GRIK2: variants seen among roughly 807,000 people sequenced by gnomAD.
GRIK2 encodes the protein glutamate ionotropic receptor kainate type subunit 2, also known as glutamate receptor ionotropic, kainate 2.
In GRIK2, 32 loss-of-function variants were observed where a neutral mutation model predicts 100.3. The observed-to-expected ratio is 0.32, with a 90% CI of 0.24 to 0.43. The LOEUF (loss-of-function observed/expected upper bound fraction) is 0.43, where lower values mean the gene tolerates loss of function less well. GRIK2 is among the 20% of genes least tolerant of loss of function. The pLI, the probability that GRIK2 is intolerant of heterozygous loss-of-function variation, is 1.00. For missense variants in GRIK2, 843 were observed against 1,114.9 expected (o/e 0.76, Z 3.47); for synonymous variants, 417 against 389.4 (o/e 1.07, Z -0.83).
At chr6:101,706,765 TG>T (rs1773327758) in intron 7 of GRIK2, among the ~76,000 whole-genome samples, 1 of 151,890 alleles carries the variant, frequency 6.6e-6, no homozygotes, top group Non-Finnish European at 1.5e-5. Context: ...TGTACAGGAA[TG>T]GTCTTGTTCT....
intron 12 of GRIK2, among the ~76,000 whole-genome samples, chr6:101,907,648 T>G (rs1392514054): frequency 6.6e-6 from 1 of 151,674 alleles, no homozygotes; most frequent in African/African-American, 2.4e-5. Context: ...TAGCTAACAT[T>G]GGGTTTTGCG....
At chr6:101,445,964 A>G (rs983714566) in intron 2 of GRIK2, among the ~76,000 whole-genome samples, 2 of 152,062 alleles carry the variant, frequency 1.3e-5, no homozygotes, top group Non-Finnish European at 2.9e-5. Flanking sequence ...TAATCATTCC[A>G]TAGGCACATC....
intron 2 of GRIK2, among the ~76,000 whole-genome samples, chr6:101,435,330 C>CAGAGATTGG (rs1417103206): frequency 3.3e-5 from 5 of 151,912 alleles, no homozygotes; most frequent in Non-Finnish European, 1.5e-5. Flanking sequence ...CCTGCTTAAA[C>CAGAGATTGG]CATGCCAAGA....
At chr6:101,755,231 A>G (rs1777060304) in intron 7 of GRIK2, among the ~76,000 whole-genome samples, 1 of 131,462 alleles carries the variant, frequency 7.6e-6, no homozygotes, top group African/African-American at 3.0e-5. Flanking sequence ...CAGTGGCACG[A>G]TCTCGACTCA....
rs1183096564 is a variant in GRIK2, at chr6:101,859,492, A to T, written c.1523A>T (p.His508Leu). ...WNGMVRELID[H>L]KADLAVAPLA... The stretch of plus-strand genomic sequence containing the variant: ...GGAATGGTTCGTGAACTAATTGATC[A>T]TGTAAGTCCCTTCCCTCATGATTTA... Residue 508 changes from histidine to leucine, a missense_variant and splice_region_variant, in exon 11 of 17, where the codon CAT becomes CTT. Around this residue, in one of 3 missense-constraint regions of GRIK2, gnomAD observed 519 missense variants for 643.8 expected, o/e 0.81. Coordinates refer to ENST00000369134, the MANE Select transcript of GRIK2 (RefSeq NM_021956.5). 7.7e-6 allele frequency: 12 copies of T among 1,549,018 alleles called. No homozygotes were observed. Among genetic ancestry groups the T allele is most frequent in the Non-Finnish European group, 1.1e-5 (12 of 1,123,776 alleles).
At chr6:101,741,844 C>A (rs551020886) in intron 7 of GRIK2, among the ~76,000 whole-genome samples, 2 of 152,318 alleles carry the variant, frequency 1.3e-5, no homozygotes, top group Admixed American at 6.5e-5. Flanking sequence ...AAATGACACA[C>A]AACTACACCA....
chr6:101,596,146 A>AT (rs1778919101), intron 2 of GRIK2, among the ~76,000 whole-genome samples: 1 of 150,606 alleles, frequency 6.6e-6, no homozygotes, highest in South Asian at 2.1e-4. Flanking sequence ...TTGGGTTATC[A>AT]TGCCACCAAG....
At chr6:101,788,752 T>C (rs945332641) in intron 7 of GRIK2, among the ~76,000 whole-genome samples, 5 of 152,138 alleles carry the variant, frequency 3.3e-5, no homozygotes, top group Admixed American at 3.3e-4. Flanking sequence ...GGTCAAATGG[T>C]ATTTCTAGTT....
intron 14 of GRIK2, among the ~76,000 whole-genome samples, chr6:102,003,156 A>C (rs1440220322): frequency 2.0e-5 from 3 of 151,584 alleles, no homozygotes; most frequent in Non-Finnish European, 4.4e-5. Context: ...CTTTAATGAC[A>C]TTTGTGTTAT....
intron 4 of GRIK2, among the ~76,000 whole-genome samples, chr6:101,667,784 A>T (rs1258524839): frequency 6.6e-6 from 1 of 152,146 alleles, no homozygotes; most frequent in Admixed American, 6.6e-5. Context: ...AATAATCAAG[A>T]GATTTTAATA....
chr6:101,792,055 G>A (rs1486063633), intron 7 of GRIK2, among the ~76,000 whole-genome samples: 8 of 151,876 alleles, frequency 5.3e-5, no homozygotes, highest in African/African-American at 1.7e-4. Flanking sequence ...TTTTCCATTT[G>A]CTTGGTCGAT....
rs1288882523 is a variant in GRIK2, at chr6:101,583,783, C to A, written c.116-38166C>A. ...TTTTGTCCTTTCATTTCATTTGGTG[C>A]TTTTGTTTGATGTTGTATGTCTTGT... is the stretch of plus-strand genomic sequence containing the variant. On this transcript the variant is annotated intron_variant, in intron 2 of 16. Coordinates refer to ENST00000369134, the MANE Select transcript of GRIK2 (RefSeq NM_021956.5). 2.0e-5 allele frequency among the ~76,000 whole-genome samples: 3 copies of A among 152,090 alleles called. No individual in the cohort carries two copies. In the East Asian group the frequency reaches 5.8e-4, roughly 29 times the overall value.
intron 2 of GRIK2, among the ~76,000 whole-genome samples, chr6:101,444,064 GGTTTTTTTGTTTGTTT>G (rs1352986415): frequency 7.0e-6 from 1 of 142,606 alleles, no homozygotes; most frequent in African/African-American, 2.6e-5. Context: ...TGATTTTCCG[GGTTTTTTTGTTTGTTT>G]GTTTGTTTGT....
intron 7 of GRIK2, among the ~76,000 whole-genome samples, chr6:101,727,205 G>A (rs187542302): frequency 6.6e-6 from 1 of 152,022 alleles, no homozygotes; most frequent in Admixed American, 6.6e-5. Context: ...CCCAGGATAT[G>A]TTTATTGAAC....
intron 2 of GRIK2, among the ~76,000 whole-genome samples, chr6:101,489,703 A>G (rs1368026699): frequency 6.9e-6 from 1 of 145,956 alleles, no homozygotes; most frequent in Non-Finnish European, 1.5e-5. Flanking sequence ...TCATTTTCTA[A>G]GTATGTGGTA....
At chr6:101,534,769 G>A (rs1006549749) in intron 2 of GRIK2, among the ~76,000 whole-genome samples, 4 of 151,568 alleles carry the variant, frequency 2.6e-5, no homozygotes, top group Admixed American at 1.3e-4. Context: ...CAACTAAAAC[G>A]CCATCAACAA....
At chr6:101,666,617 C>T (rs1442396605) in intron 4 of GRIK2, among the ~76,000 whole-genome samples, 1 of 152,150 alleles carries the variant, frequency 6.6e-6, no homozygotes, top group Non-Finnish European at 1.5e-5. Context: ...TGGCAAAGGC[C>T]GGATCTCTCT....
At chr6:101,769,958 A>T (rs1778295652) in intron 7 of GRIK2, among the ~76,000 whole-genome samples, 1 of 152,198 alleles carries the variant, frequency 6.6e-6, no homozygotes, top group Admixed American at 6.5e-5. Context: ...GTTGCTGGGC[A>T]AATGCCCTTG....
chr6:101,988,911 T>A (rs1473167015), intron 14 of GRIK2, among the ~76,000 whole-genome samples: 1 of 152,016 alleles, frequency 6.6e-6, no homozygotes, highest in Admixed American at 6.6e-5. Context: ...TAGCATAGTG[T>A]CTGGCATATG....
Sources: gnomAD v4.1 joint callset for allele counts (sites outside exome capture counted in the v4.1 genomes callset) on GRCh38, gnomAD v4.1.1 for gene constraint, gnomAD v4.1.1 regional missense constraint, MANE v1.5 for transcripts, NCBI Gene and HGNC (gene_info 2026-07-23, HGNC 2026-07-21) for gene names.